Variants in RAB36 observed in about 807,000 individuals in gnomAD.
RAB36 encodes RAB36, member RAS oncogene family, also known as ras-related protein Rab-36.
A neutral mutation model predicts 39.3 loss-of-function variants in RAB36; 33 were observed. The observed-to-expected ratio is 0.84, with a 90% CI of 0.64 to 1.12. The LOEUF (loss-of-function observed/expected upper bound fraction) is 1.12. Ranked by LOEUF, RAB36 falls within the 50% of genes most tolerant of loss-of-function variation. The pLI is 0.00. For synonymous variants in RAB36, 133 were observed against 140.2 expected (o/e 0.95, Z 0.36); for missense variants, 308 against 355.3 (o/e 0.87, Z 1.07).
At chr22:23,167,185 A>G (rs2072067401), downstream of RAB36, among the ~76,000 whole-genome samples, 1 of 152,022 alleles carries the variant, frequency 6.6e-6, no homozygotes, top group South Asian at 2.1e-4. Context: ...CCTGGGGCTC[A>G]ATGTCTCTCA....
intron 5 of RAB36, among the ~76,000 whole-genome samples, chr22:23,155,750 C>A (rs1569212205): frequency 6.6e-6 from 1 of 152,214 alleles, no homozygotes. Context: ...ACACCCCCAT[C>A]CACTAGGAAT....
chr22:23,158,670 G>C (rs1460172313), intron 7 of RAB36, among the ~76,000 whole-genome samples: 1 of 152,192 alleles, frequency 6.6e-6, no homozygotes, highest in East Asian at 1.9e-4. Context: ...GCCAGGAGGG[G>C]TCTTCACCAC....
In RAB36 at chr22:23,164,024, C is replaced by T. The variant is rs1199478022; in HGVS notation, c.*2460C>T. 2.0e-5 allele frequency: 3 copies of T among 152,260 alleles called. No individual in the cohort carries two copies. The highest frequency in any genetic ancestry group is 6.5e-5 in the Admixed American group (1 of 15,290). 9.4% of individuals were successfully genotyped at this position (152,260 alleles called of 1,614,324 possible). A position where few individuals can be genotyped will look rare whatever the true frequency, so the allele number is the denominator to read the frequency against. ...GCAGTGGCCATTCTTGTAGTTATAG[C>T]TTTGCGTACTCAGGAAGGCCCTTCT... On this transcript the variant is annotated 3_prime_UTR_variant, in exon 11 of 11. Coordinates refer to ENST00000263116, the MANE Select transcript of RAB36 (RefSeq NM_004914.5).
intron 3 of RAB36, among the ~76,000 whole-genome samples, chr22:23,151,391 GCCCTCTGGGAGCAGGGTAGACACAAT>G (rs893907273): frequency 5.9e-5 from 9 of 152,200 alleles, no homozygotes; most frequent in Admixed American, 4.6e-4. Flanking sequence ...GAACGAAAGG[GCCCTCTGGGAGCAGGGTAGACACAAT>G]CCCTGCTCTC....
At chr22:23,154,557 T>C (rs1469895183) in intron 5 of RAB36, among the ~76,000 whole-genome samples, 1 of 152,166 alleles carries the variant, frequency 6.6e-6, no homozygotes, top group Non-Finnish European at 1.5e-5. Flanking sequence ...TGGGGGTAGC[T>C]GAGGTGGAGC....
chr22:23,168,020 AT>A (rs558362395), downstream of RAB36, among the ~76,000 whole-genome samples: 8 of 150,050 alleles, frequency 5.3e-5, no homozygotes, highest in Admixed American at 2.7e-4. Context: ...CTAATTTTTA[AT>A]TTTTTTTTTA....
Position 23,164,688 on chromosome 22 carries a change from C to A in RAB36, c.*3124C>A, listed in dbSNP as rs796274873. ...GGTGCGGCAATGACCACAGTGACCG[C>A]GTCCAAGTGCTGCCGAAACGCCTTT... On this transcript the variant is annotated 3_prime_UTR_variant, in exon 11 of 11. Transcript: ENST00000263116. Among the ~76,000 whole-genome samples the A allele has an allele frequency of 1.3e-5, 2 of 152,188 alleles. No homozygotes were observed. The highest frequency in any genetic ancestry group is 4.1e-4 in the South Asian group (2 of 4,822).
At chr22:23,152,622 T>C (rs2146527770) in intron 4 of RAB36, 96 bp downstream of exon 4, 2 of 1,213,624 alleles carry the variant, frequency 1.6e-6, no homozygotes, top group South Asian at 2.5e-5. Context: ...ATAGCAGAAA[T>C]CATGTGGCTT....
chr22:23,158,807 T>G (rs2071608621), intron 7 of RAB36, 91 bp from the exon 8 acceptor site: 1 of 1,153,884 alleles, frequency 8.7e-7, no homozygotes, highest in African/African-American at 1.5e-5. Flanking sequence ...GCCCAGCACT[T>G]CAGCCCTGGG....
chr22:23,159,390 A>G, intron 9 of RAB36, 137 bp downstream of exon 9: 1 of 839,732 alleles, frequency 1.2e-6, no homozygotes, highest in African/African-American at 1.7e-5. Flanking sequence ...CTGGCATCAC[A>G]GCCCTGCTGT....
At chr22:23,165,974 G>A (rs1006455221), downstream of RAB36, among the ~76,000 whole-genome samples, 64 of 151,996 alleles carry the variant, frequency 4.2e-4, 1 homozygote, top group East Asian at 8.8e-3. Context: ...GTGAAACCCT[G>A]TCTCTACTAA....
chr22:23,156,147 C>G (rs200959762), intron 6 of RAB36, 115 bp downstream of exon 6: 1 of 866,896 alleles, frequency 1.2e-6, no homozygotes, highest in Non-Finnish European at 1.8e-6. Context: ...TCCTCCAAGA[C>G]CCACTGAGAA....
rs1198334383 is a variant in RAB36, at chr22:23,162,263, C to T, written c.*699C>T. 5 of 227,536 alleles carry T rather than the reference C, an allele frequency of 2.2e-5. No individual in the cohort carries two copies. Among genetic ancestry groups the T allele is most frequent in the East Asian group, 1.2e-4 (1 of 8,424 alleles). The allele number at this position is 227,536 out of a possible 1,614,324, so 14.1% of individuals were successfully genotyped here. The stretch of plus-strand genomic sequence containing the variant: ...ATCCCTAGGTCCTGCCCTCCTGGTC[C>T]GTGGGCCAGGATGTGCAGAACAACC... On this transcript the variant is annotated 3_prime_UTR_variant, in exon 11 of 11. Transcript: ENST00000263116.
Position 23,161,963 on chromosome 22 carries a change from A to T in RAB36, c.*399A>T. On this transcript the variant is annotated 3_prime_UTR_variant, in exon 11 of 11. Transcript: ENST00000263116. ...AGCAGTCAACCCTGCACTCTTTCCC[A>T]GCGATCTTGGATGTGTCCCCAGGAT... is the stretch of plus-strand genomic sequence containing the variant. The T allele has an allele frequency of 5.4e-6, 1 of 183,664 alleles. No individual in the cohort carries two copies. The highest frequency in any genetic ancestry group is 1.1e-5 in the Non-Finnish European group (1 of 87,442). 11.4% of individuals were successfully genotyped at this position (183,664 alleles called of 1,614,324 possible). A position where few individuals can be genotyped will look rare whatever the true frequency, so the allele number is the denominator to read the frequency against.
intron 1 of RAB36, 151 bp downstream of exon 1, chr22:23,145,702 T>G: frequency 9.9e-7 from 1 of 1,014,298 alleles, no homozygotes; most frequent in Non-Finnish European, 1.4e-6. Flanking sequence ...GCGTCCTCAT[T>G]TCCGGAGCGC....
downstream of RAB36, among the ~76,000 whole-genome samples, chr22:23,168,140 A>C (rs1196872329): frequency 6.6e-6 from 1 of 151,732 alleles, no homozygotes; most frequent in Non-Finnish European, 1.5e-5. Flanking sequence ...GCATTCTCCC[A>C]TTCACTCCTC....
rs999044974 is a variant in RAB36 at position 23,145,663 on chromosome 22, A to G, written c.-13+112A>G. ...GCGTCCGCGCCCACTTCCCGCCCCT[A>G]TAACTTGAAAGCGGCCTGCGGCCCC... On this transcript the variant is annotated intron_variant, in intron 1 of 10. Coordinates refer to ENST00000263116, the MANE Select transcript of RAB36 (RefSeq NM_004914.5). The G allele has an allele frequency of 1.4e-5, 17 of 1,258,302 alleles. No homozygotes were observed. In the Admixed American group the frequency reaches 2.6e-4, roughly 19 times the overall value. The allele number at this position is 1,258,302 out of a possible 1,614,324, so 77.9% of individuals were successfully genotyped here. A position where few individuals can be genotyped will look rare whatever the true frequency, so the allele number is the denominator to read the frequency against.
At chr22:23,145,446 TCGTGTAGCCCGCAGGTCCCG>T, upstream of RAB36, 1 of 1,610,758 alleles carries the variant, frequency 6.2e-7, no homozygotes, top group South Asian at 1.1e-5. Context: ...CGTCGACGAT[TCGTGTAGCCCGCAGGTCCCG>T]CGTGGCTCTC....
At chr22:23,146,495 A>G in intron 1 of RAB36, 110 bp from the exon 2 acceptor site, 2 of 1,450,818 alleles carry the variant, frequency 1.4e-6, no homozygotes, top group Non-Finnish European at 1.8e-6. Flanking sequence ...TACAGGCATG[A>G]GCCACTGCAC....
Sources: gnomAD v4.1 joint callset for allele counts (sites outside exome capture counted in the v4.1 genomes callset) on GRCh38, gnomAD v4.1.1 for gene constraint, MANE v1.5 for transcripts, NCBI Gene and HGNC (gene_info 2026-07-23, HGNC 2026-07-21) for gene names.